Variants in MDGA2 observed in about 807,000 individuals in gnomAD.
MDGA2 encodes the protein MAM domain-containing glycosylphosphatidylinositol anchor protein 2.
Under a neutral mutation model 117.8 loss-of-function variants are expected in MDGA2, and 40 were observed. The observed-to-expected ratio is 0.34, with a 90% CI of 0.26 to 0.44. The LOEUF is 0.44. Ranked by LOEUF, MDGA2 falls within the 20% of genes least tolerant of loss-of-function variation. The pLI is 1.00. For missense variants in MDGA2, 1,123 were observed against 1,250.6 expected (o/e 0.90, Z 1.54); for synonymous variants, 452 against 439.0 (o/e 1.03, Z -0.37).
At chr14:47,549,972 C>T (rs1300701775) in intron 1 of MDGA2, among the ~76,000 whole-genome samples, 1 of 152,172 alleles carries the variant, frequency 6.6e-6, no homozygotes, top group African/African-American at 2.4e-5. Flanking sequence ...GTTATGGCAG[C>T]CCAAGCTGAC....
chr14:46,969,871 C>CATGT (rs1188875754), intron 8 of MDGA2, among the ~76,000 whole-genome samples: 1 of 148,590 alleles, frequency 6.7e-6, no homozygotes, highest in Non-Finnish European at 1.5e-5. Context: ...CAACATGGCA[C>CATGT]ATGTATACCT....
chr14:46,942,511 T>C (rs1203375799), intron 9 of MDGA2, among the ~76,000 whole-genome samples: 1 of 152,132 alleles, frequency 6.6e-6, no homozygotes, highest in African/African-American at 2.4e-5. Flanking sequence ...ATAATCAAGA[T>C]ATAGATTCCC....
intron 14 of MDGA2, among the ~76,000 whole-genome samples, chr14:46,868,479 C>G (rs1881866583): frequency 6.6e-6 from 1 of 151,724 alleles, no homozygotes; most frequent in Non-Finnish European, 1.5e-5. Flanking sequence ...AGAGCTTTAC[C>G]CGAAAAACTT....
chr14:47,475,436 AC>A (rs1252591682), intron 1 of MDGA2, among the ~76,000 whole-genome samples: 1 of 152,202 alleles, frequency 6.6e-6, no homozygotes, highest in Non-Finnish European at 1.5e-5. Context: ...AGAGATGCAG[AC>A]AGCAGAAATA....
intron 1 of MDGA2, among the ~76,000 whole-genome samples, chr14:47,476,241 T>C (rs984177774): frequency 2.6e-5 from 4 of 152,180 alleles, no homozygotes; most frequent in South Asian, 4.1e-4. Context: ...TTGCTAGGAG[T>C]ATAAAATGTC....
At chr14:47,331,977 TACAGAAAA>T (rs1243459460) in intron 1 of MDGA2, among the ~76,000 whole-genome samples, 4 of 152,022 alleles carry the variant, frequency 2.6e-5, no homozygotes, top group African/African-American at 9.7e-5. Context: ...TAACCAAGGA[TACAGAAAA>T]ATGGAAGAAT....
At chr14:47,045,558 AT>A (rs1170921508) in intron 7 of MDGA2, among the ~76,000 whole-genome samples, 6 of 152,184 alleles carry the variant, frequency 3.9e-5, no homozygotes, top group Non-Finnish European at 7.3e-5. Context: ...GGAGCAAGAT[AT>A]TTCAGCTTGT....
intron 2 of MDGA2, among the ~76,000 whole-genome samples, chr14:47,290,046 C>T (rs931049093): frequency 3.9e-5 from 6 of 151,974 alleles, no homozygotes; most frequent in African/African-American, 1.2e-4. Flanking sequence ...AACTTGCAAA[C>T]GTAAAATGCT....
intron 1 of MDGA2, among the ~76,000 whole-genome samples, chr14:47,555,735 C>T (rs1418493917): frequency 1.3e-5 from 2 of 152,162 alleles, no homozygotes; most frequent in Non-Finnish European, 2.9e-5. Context: ...ATTAAGTTGA[C>T]AAAAACTCCA....
intron 3 of MDGA2, among the ~76,000 whole-genome samples, chr14:47,162,635 G>T (rs1276815986): frequency 5.9e-5 from 9 of 152,082 alleles, no homozygotes; most frequent in Admixed American, 5.2e-4. Flanking sequence ...ACAGCTACAA[G>T]TTCAGGCCTT....
intron 3 of MDGA2, among the ~76,000 whole-genome samples, chr14:47,166,035 T>A (rs1048457457): frequency 2.7e-5 from 1 of 37,586 alleles, no homozygotes. Context: ...ACTGTTTACT[T>A]TTTTTTTTTT....
At chr14:47,319,468 C>G (rs1889912572) in intron 1 of MDGA2, among the ~76,000 whole-genome samples, 1 of 152,218 alleles carries the variant, frequency 6.6e-6, no homozygotes, top group East Asian at 1.9e-4. Flanking sequence ...ACCTTGTAAA[C>G]TAAATGATTA....
chr14:47,329,952 G>A (rs1362923042), intron 1 of MDGA2, among the ~76,000 whole-genome samples: 1 of 151,958 alleles, frequency 6.6e-6, no homozygotes, highest in Non-Finnish European at 1.5e-5. Context: ...TAGAAAGAGA[G>A]AAAGAAAGCA....
rs189493314 is a variant in MDGA2, at chr14:47,116,097, C to T, written c.925+15617G>A. On this transcript the variant is annotated intron_variant, in intron 5 of 16. Transcript: ENST00000399232. ...GGATACAAAATAAATGTACAAAAAC[C>T]AGTCCTGTTTGTACTATTAACAACA... Among the ~76,000 whole-genome samples the T allele has an allele frequency of 4.6e-5, 7 of 152,016 alleles. No individual in the cohort carries two copies. The East Asian group carries it at 5.8e-4, about 13-fold the overall frequency.
At chr14:47,177,363 G>A (rs1309567542) in intron 3 of MDGA2, among the ~76,000 whole-genome samples, 1 of 152,138 alleles carries the variant, frequency 6.6e-6, no homozygotes, top group African/African-American at 2.4e-5. Context: ...TATGTTTACT[G>A]CGGCACTATT....
chr14:47,037,295 C>A (rs1450837170), intron 7 of MDGA2, among the ~76,000 whole-genome samples: 1 of 151,914 alleles, frequency 6.6e-6, no homozygotes, highest in Non-Finnish European at 1.5e-5. Context: ...ATCTTAAGGA[C>A]CAAATATTTA....
intron 1 of MDGA2, among the ~76,000 whole-genome samples, chr14:47,327,283 G>A (rs1890171393): frequency 6.6e-6 from 1 of 152,166 alleles, no homozygotes; most frequent in South Asian, 2.1e-4. Flanking sequence ...GCCCATCAAG[G>A]AACAAAGCCA....
chr14:47,028,659 G>T (rs1888558198), intron 8 of MDGA2, among the ~76,000 whole-genome samples: 1 of 152,000 alleles, frequency 6.6e-6, no homozygotes, highest in Non-Finnish European at 1.5e-5. Flanking sequence ...GACTTAAATG[G>T]CAAAAAGATT....
At chr14:47,350,663 A>G (rs1389808452) in intron 1 of MDGA2, among the ~76,000 whole-genome samples, 1 of 152,192 alleles carries the variant, frequency 6.6e-6, no homozygotes, top group East Asian at 1.9e-4. Context: ...TAATTTCTAA[A>G]ATCTAGAATT....
Sources: allele counts gnomAD v4.1 joint callset (sites outside exome capture counted in the v4.1 genomes callset), GRCh38; gene constraint gnomAD v4.1.1; transcripts MANE v1.5; gene names NCBI Gene and HGNC (gene_info 2026-07-23, HGNC 2026-07-21).